ADAMTS3: variants seen among roughly 807,000 people sequenced by gnomAD.
The protein encoded by ADAMTS3 is ADAM metallopeptidase with thrombospondin type 1 motif 3.
ADAMTS3 carries 73 observed loss-of-function variants against 129.0 expected under a neutral mutation model. That is an observed-to-expected ratio of 0.57 (90% CI 0.47 to 0.69). The LOEUF (loss-of-function observed/expected upper bound fraction) is 0.69, where lower values mean the gene tolerates loss of function less well. ADAMTS3 is among the 30% of genes least tolerant of loss of function. The pLI, the probability that ADAMTS3 is intolerant of heterozygous loss-of-function variation, is 0.00. For missense variants in ADAMTS3, 1,457 were observed against 1,514.5 expected (o/e 0.96, Z 0.63); for synonymous variants, 477 against 510.8 (o/e 0.93, Z 0.89).
chr4:72,283,795 A>C, intron 21 of ADAMTS3, 91 bp from the exon 22 acceptor site: 2 of 1,139,438 alleles, frequency 1.8e-6, no homozygotes, highest in East Asian at 2.6e-5. Context: ...GAATGTAAAA[A>C]GATTTAAGTG....
chr4:72,556,940 G>C (rs1721782277), intron 2 of ADAMTS3, among the ~76,000 whole-genome samples: 1 of 151,596 alleles, frequency 6.6e-6, no homozygotes, highest in Non-Finnish European at 1.5e-5. Context: ...AGCCTGATGT[G>C]ATACAGTTAG....
At position 72,567,359 on chromosome 4, in the gene ADAMTS3, G is replaced by A. The variant is rs1425861747; in HGVS notation, c.97+15C>T. On this transcript the variant is annotated intron_variant, in intron 2 of 21. Transcript: ENST00000286657. ...TCAACTTAAGATAAGAGTGACATCT[G>A]AGAACAAAGCTTACCTATTTGCACC... 1.2e-5 allele frequency: 20 copies of A among 1,613,028 alleles called. No individual in the cohort carries two copies. The highest frequency in any genetic ancestry group is 1.7e-5 in the Non-Finnish European group (20 of 1,179,140).
chr4:72,301,214 T>C (rs1167084282), intron 17 of ADAMTS3, among the ~76,000 whole-genome samples: 1 of 148,166 alleles, frequency 6.7e-6, no homozygotes, highest in Non-Finnish European at 1.5e-5. Flanking sequence ...AATGTTTTGA[T>C]GCTGGATTAG....
chr4:72,373,855 A>G (rs994400142), intron 4 of ADAMTS3, among the ~76,000 whole-genome samples: 62 of 151,614 alleles, frequency 4.1e-4, no homozygotes, highest in Non-Finnish European at 5.4e-4. Flanking sequence ...AACCAAGATC[A>G]CACCACTGCA....
At chr4:72,531,517 T>C (rs549524153) in intron 3 of ADAMTS3, among the ~76,000 whole-genome samples, 2 of 152,230 alleles carry the variant, frequency 1.3e-5, no homozygotes, top group East Asian at 1.9e-4. Context: ...AGAGTAGACA[T>C]GCAGGAGAGG....
intron 17 of ADAMTS3, among the ~76,000 whole-genome samples, chr4:72,300,558 A>G (rs1466985988): frequency 6.6e-6 from 1 of 152,236 alleles, no homozygotes; most frequent in South Asian, 2.1e-4. Flanking sequence ...ATAGACCCAC[A>G]TAAATGTGGA....
At chr4:72,432,977 G>A (rs1189092108) in intron 3 of ADAMTS3, among the ~76,000 whole-genome samples, 1 of 151,976 alleles carries the variant, frequency 6.6e-6, no homozygotes, top group Non-Finnish European at 1.5e-5. Context: ...CTGGAAGGCA[G>A]AGAGCATATA....
At chr4:72,285,104 C>A (rs79595203) in intron 21 of ADAMTS3, among the ~76,000 whole-genome samples, 107 of 152,102 alleles carry the variant, frequency 7.0e-4, no homozygotes, top group African/African-American at 2.4e-3. Flanking sequence ...CATAACTCCC[C>A]AAAAATTGAA....
In ADAMTS3 at chr4:72,312,316, G is replaced by A. The variant is rs775676539; in HGVS notation, c.1896C>T (p.His632=). The A allele has an allele frequency of 6.2e-7, 1 of 1,613,694 alleles. No homozygotes were observed. Among genetic ancestry groups the A allele is most frequent in the Non-Finnish European group, 8.5e-7 (1 of 1,179,724 alleles). ...GGTCAGGATGTTCATATGGCAACCA[G>A]TGGTGTTTGGTATTCTGGTATTCAA... is the stretch of plus-strand genomic sequence containing the variant. ...SHFEYQNTKH[H]WLPYEHPDPK... The change falls in exon 13 of 22, where the codon CAC becomes CAT. Residue 632 remains histidine (H), a synonymous_variant. Transcript: ENST00000286657.
At chr4:72,561,827 C>A (rs1401145) in intron 2 of ADAMTS3, among the ~76,000 whole-genome samples, 146,880 of 152,292 alleles carry the variant, frequency 0.96, 71,069 homozygotes, top group East Asian at 1. Context: ...AAATTCCATG[C>A]AGATTCATCA....
intron 19 of ADAMTS3, among the ~76,000 whole-genome samples, chr4:72,292,227 T>C (rs961424348): frequency 6.6e-6 from 1 of 152,246 alleles, no homozygotes; most frequent in Non-Finnish European, 1.5e-5. Context: ...TAGTTAAAAA[T>C]CTGGTTCACA....
rs570879931 is a variant in ADAMTS3, at chr4:72,439,688, G to A, written c.505-24717C>T. Among the ~76,000 whole-genome samples, 53 of 151,622 alleles carry A rather than the reference G, an allele frequency of 3.5e-4. No individual in the cohort carries two copies. In the South Asian group the frequency reaches 5.4e-3, roughly 15 times the overall value. The stretch of plus-strand genomic sequence containing the variant: ...TGAGATATTTAACATTATTGAATTG[G>A]CAACAGACATTCATTTCAAGCTCAA... On this transcript the variant is annotated intron_variant, in intron 3 of 21. Coordinates refer to ENST00000286657, the MANE Select transcript of ADAMTS3 (RefSeq NM_014243.3).
intron 4 of ADAMTS3, among the ~76,000 whole-genome samples, chr4:72,392,525 T>G (rs1358042719): frequency 6.6e-6 from 1 of 152,214 alleles, no homozygotes; most frequent in Non-Finnish European, 1.5e-5. Flanking sequence ...TTGATAATTT[T>G]TCTTGTCTCT....
At chr4:72,333,383 T>C (rs1719900441) in intron 5 of ADAMTS3, among the ~76,000 whole-genome samples, 1 of 152,168 alleles carries the variant, frequency 6.6e-6, no homozygotes, top group Non-Finnish European at 1.5e-5. Context: ...TAAATTATGG[T>C]AGATTCATCT....
At chr4:72,495,116 G>A (rs1027376483) in intron 3 of ADAMTS3, among the ~76,000 whole-genome samples, 2 of 152,166 alleles carry the variant, frequency 1.3e-5, no homozygotes, top group African/African-American at 2.4e-5. Context: ...TGGTGTAAGT[G>A]TCTAAGGCCT....
chr4:72,478,669 CAG>C (rs1479915842), intron 3 of ADAMTS3, among the ~76,000 whole-genome samples: 1 of 150,558 alleles, frequency 6.6e-6, no homozygotes, highest in Non-Finnish European at 1.5e-5. Flanking sequence ...TCCTATTCAA[CAG>C]AGTGTTGGAA....
chr4:72,379,496 C>A (rs370302188), intron 4 of ADAMTS3, among the ~76,000 whole-genome samples: 3 of 149,398 alleles, frequency 2.0e-5, no homozygotes, highest in East Asian at 3.9e-4. Flanking sequence ...CATCCAGTCA[C>A]CAAAATCTCT....
intron 4 of ADAMTS3, among the ~76,000 whole-genome samples, chr4:72,409,496 T>G (rs1421578604): frequency 6.6e-6 from 1 of 152,156 alleles, no homozygotes; most frequent in Non-Finnish European, 1.5e-5. Flanking sequence ...GATCAAGAAC[T>G]AAATAGTAAT....
At chr4:72,500,366 T>G (rs886351609) in intron 3 of ADAMTS3, among the ~76,000 whole-genome samples, 8 of 152,146 alleles carry the variant, frequency 5.3e-5, no homozygotes, top group African/African-American at 1.9e-4. Context: ...ATCTCTCTGA[T>G]GATTAGTGAT....
Sources: gnomAD v4.1 joint callset for allele counts (sites outside exome capture counted in the v4.1 genomes callset) on GRCh38, gnomAD v4.1.1 for gene constraint, MANE v1.5 for transcripts, NCBI Gene and HGNC (gene_info 2026-07-23, HGNC 2026-07-21) for gene names.